ALS2CL: variants seen among roughly 807,000 people sequenced by gnomAD.
ALS2CL encodes the protein ALS2 C-terminal-like protein.
ALS2CL carries 112 observed loss-of-function variants against 127.9 expected under a neutral mutation model. The ratio of observed to expected loss-of-function variants is 0.88; its 90% CI spans 0.75 to 1.02. The LOEUF is 1.02. Among genes scored for constraint, ALS2CL ranks in the 50% least tolerant of loss-of-function variants. ALS2CL has a pLI of 0.00. For synonymous variants in ALS2CL, 519 were observed against 527.6 expected, an observed-to-expected ratio of 0.98 and a Z score of 0.22; for missense variants, 1,174 against 1,236.7, an observed-to-expected ratio of 0.95 and a Z score of 0.76.
chr3:46,689,560 C>A (rs1700030662), intron 1 of ALS2CL, 95 bp from the exon 2 acceptor site: 17 of 759,712 alleles, frequency 2.2e-5, no homozygotes, highest in Non-Finnish European at 3.6e-5. Flanking sequence ...AGGTCCATGA[C>A]CACCCACATC....
intron 16 of ALS2CL, chr3:46,677,241 AAGAC>A (rs1419840079): frequency 1.4e-5 from 20 of 1,394,898 alleles, no homozygotes; most frequent in Non-Finnish European, 1.8e-5. Context: ...CTGCGACGAG[AAGAC>A]AGACAGAAGC....
In ALS2CL at chr3:46,686,295, G is replaced by A. The variant is rs1426678623; in HGVS notation, c.666+13C>T. The A allele has an allele frequency of 2.5e-6, 4 of 1,600,572 alleles. No individual in the cohort carries two copies. Among genetic ancestry groups the A allele is most frequent in the East Asian group, 2.3e-5 (1 of 44,422 alleles). On this transcript the variant is annotated intron_variant, in intron 6 of 25. Coordinates refer to ENST00000318962, the MANE Select transcript of ALS2CL (RefSeq NM_147129.5). This position sits in a 1 kb window ranked among gnomAD's most constrained non-coding sequence, Gnocchi z 4.3. ...AACCCCCTCCCTAACTGCCCCTCAG[G>A]CCCCCAACTCACCCTCAGCCGGCCT... is the stretch of plus-strand genomic sequence containing the variant.
Position 46,676,755 on chromosome 3 carries a change from G to A in ALS2CL, c.1932-17C>T, listed in dbSNP as rs747897142. The A allele has an allele frequency of 5.6e-6, 9 of 1,613,102 alleles. No individual in the cohort carries two copies. Among genetic ancestry groups the A allele is most frequent in the Non-Finnish European group, 7.6e-6 (9 of 1,179,752 alleles). Reference sequence around the variant, plus strand: ...GGGTGGGTCCTGGGCACCACACACAGCATCCCTCACCCACACCTCGGCCCA... The same window carrying A: ...GGGTGGGTCCTGGGCACCACACACAACATCCCTCACCCACACCTCGGCCCA... On this transcript the variant is annotated splice_polypyrimidine_tract_variant and intron_variant, in intron 17 of 25. Transcript: ENST00000318962.
rs1698333706 is a variant in ALS2CL at position 46,670,958 on chromosome 3, C to T, written c.*26G>A. The T allele has an allele frequency of 6.2e-7, 1 of 1,605,296 alleles. No homozygotes were observed. Among genetic ancestry groups the T allele is most frequent in the African/African-American group, 1.3e-5 (1 of 74,874 alleles). ...CAGGCTGGCAGTGCCCTGCTCAGCTCTTCAGTCTGTCCAGGAAAGGCCAGG... is the reference window on the plus strand; with the variant it reads ...CAGGCTGGCAGTGCCCTGCTCAGCTTTTCAGTCTGTCCAGGAAAGGCCAGG... On this transcript the variant is annotated 3_prime_UTR_variant, in exon 26 of 26. Transcript: ENST00000318962. The surrounding 1 kb of genome is among the most constrained non-coding windows in gnomAD (Gnocchi z 5.5).
rs1575429402 is a variant in ALS2CL, at chr3:46,681,207, A to G, written c.1436+39T>C. 1.9e-6 allele frequency: 3 copies of G among 1,613,146 alleles called. No individual in the cohort carries two copies. The highest frequency in any genetic ancestry group is 1.1e-5 in the South Asian group (1 of 91,056). ...AATCTGGTCTGTGAGGGCCCGGTCC[A>G]CCCCTCCGTCCTGGGAGTGGTGGCT... On this transcript the variant is annotated intron_variant, in intron 13 of 25. Transcript: ENST00000318962. This position sits in a 1 kb window ranked among gnomAD's most constrained non-coding sequence, Gnocchi z 4.9.
chr3:46,679,353 G>A (rs950909998), intron 14 of ALS2CL, 66 bp from the exon 15 acceptor site: 5 of 1,371,112 alleles, frequency 3.6e-6, no homozygotes, highest in Middle Eastern at 2.1e-4. Flanking sequence ...ACTCAGGGTG[G>A]AGAGAGATGG....
Position 46,684,030 on chromosome 3 carries a change from G to A in ALS2CL, c.804C>T (p.Thr268=). The A allele has an allele frequency of 6.4e-7, 1 of 1,562,598 alleles. No homozygotes were observed. Among genetic ancestry groups the A allele is most frequent in the East Asian group, 2.4e-5 (1 of 41,522 alleles). The change falls in exon 8 of 26, where the codon ACC becomes ACT. Residue 268 remains threonine, a synonymous_variant. Transcript: ENST00000318962. The part of the protein sequence containing the change: ...LVLLQGHNVH[T]FDLKLVWVDP... ...CCACCCACACCAGCTTCAGATCAAA[G>A]GTGTGGACATTGTGGCCCTGGAAGA...
intron 15 of ALS2CL, 74 bp from the exon 16 acceptor site, chr3:46,678,463 G>A: frequency 6.5e-7 from 1 of 1,536,680 alleles, no homozygotes; most frequent in Non-Finnish European, 8.8e-7. Context: ...CAGGCCACAA[G>A]CCTGTCCATC....
rs934702768 is a variant in ALS2CL, at chr3:46,688,174, G to A, written c.226C>T (p.Arg76Cys). ...ESLHSLQERLRYPDSTGLESL... is the reference protein window; with the variant it reads ...ESLHSLQERLCYPDSTGLESL... ...TCCAGACCGGTGGAGTCCGGGTAAC[G>A]CAGCCTCTCCTGCAGTGAGTGCAGG... The change falls in exon 3 of 26, where the codon CGT becomes TGT. Residue 76 changes from arginine to cysteine, a missense_variant. Coordinates refer to ENST00000318962, the MANE Select transcript of ALS2CL (RefSeq NM_147129.5). 6.2e-6 allele frequency: 10 copies of A among 1,612,912 alleles called. No homozygotes were observed. Among genetic ancestry groups the A allele is most frequent in the Admixed American group, 5.0e-5 (3 of 59,998 alleles).
At position 46,681,687 on chromosome 3, in the gene ALS2CL, C is replaced by A. The variant is rs144068341; in HGVS notation, c.1176-89G>T. ...ATGCCACCCAGGAGTATCCCTGCCC[C>A]CAAGGAGCCTTCCAGACAACAGGGA... On this transcript the variant is annotated intron_variant, in intron 11 of 25. Coordinates refer to ENST00000318962, the MANE Select transcript of ALS2CL (RefSeq NM_147129.5). This position sits in a 1 kb window ranked among gnomAD's most constrained non-coding sequence, Gnocchi z 4.9. The A allele has an allele frequency of 6.8e-6, 9 of 1,328,022 alleles. No homozygotes were observed. The highest frequency in any genetic ancestry group is 9.6e-6 in the Non-Finnish European group (9 of 940,064). The allele number at this position is 1,328,022 out of a possible 1,614,324, so 82.3% of individuals were successfully genotyped here. A position where few individuals can be genotyped will look rare whatever the true frequency, so the allele number is the denominator to read the frequency against.
At chr3:46,676,808 A>G (rs6806400) in intron 17 of ALS2CL, 41 bp downstream of exon 17, 1,203,607 of 1,532,428 alleles carry the variant, frequency 0.79, 450,702 homozygotes, top group African/African-American at 0.92. Flanking sequence ...AGCCCTCCCC[A>G]GCCCACCCTA....
rs1699291874 is a variant in ALS2CL, at chr3:46,681,125, A to G, written c.1436+121T>C. The G allele has an allele frequency of 6.8e-7, 1 of 1,465,998 alleles. No individual in the cohort carries two copies. Among genetic ancestry groups the G allele is most frequent in the Non-Finnish European group, 9.5e-7 (1 of 1,052,874 alleles). The allele number at this position is 1,465,998 out of a possible 1,614,324, so 90.8% of individuals were successfully genotyped here. A position where few individuals can be genotyped will look rare whatever the true frequency, so the allele number is the denominator to read the frequency against. ...GCAGCAACCGAGGGACTGGAGGGGA[A>G]GTGAGGGGCTTAAGAGAGACACAGT... is the stretch of plus-strand genomic sequence containing the variant. On this transcript the variant is annotated intron_variant, in intron 13 of 25. Coordinates refer to ENST00000318962, the MANE Select transcript of ALS2CL (RefSeq NM_147129.5). The surrounding 1 kb of genome is among the most constrained non-coding windows in gnomAD (Gnocchi z 4.9).
At chr3:46,673,749 T>C (rs1185847089) in intron 21 of ALS2CL, among the ~76,000 whole-genome samples, 1 of 151,036 alleles carries the variant, frequency 6.6e-6, no homozygotes, top group Non-Finnish European at 1.5e-5. Context: ...GACACTGAGG[T>C]GGTGAGGGAG....
At position 46,674,549 on chromosome 3, in the gene ALS2CL, G is replaced by C; in HGVS notation, c.2429+17C>G. The C allele has an allele frequency of 6.2e-7, 1 of 1,605,670 alleles. No homozygotes were observed. The highest frequency in any genetic ancestry group is 8.5e-7 in the Non-Finnish European group (1 of 1,175,706). ...TTGAGTCCTGGCTAACACGGCACGG[G>C]GGAAGGGAAGGCTTACTTCTGCACA... On this transcript the variant is annotated intron_variant, in intron 21 of 25. Coordinates refer to ENST00000318962, the MANE Select transcript of ALS2CL (RefSeq NM_147129.5).
chr3:46,691,902 A>C (rs1700181241), intron 1 of ALS2CL, among the ~76,000 whole-genome samples: 1 of 151,850 alleles, frequency 6.6e-6, no homozygotes, highest in African/African-American at 2.4e-5. Context: ...TCCCCTCAAA[A>C]GGACAAACAG....
intron 21 of ALS2CL, 119 bp from the exon 22 acceptor site, chr3:46,673,500 A>G: frequency 9.4e-7 from 1 of 1,062,580 alleles, no homozygotes; most frequent in South Asian, 1.5e-5. Flanking sequence ...GAAAAGGGGA[A>G]GGAGATCAGC....
intron 16 of ALS2CL, among the ~76,000 whole-genome samples, chr3:46,677,839 C>T (rs1698985343): frequency 6.6e-6 from 1 of 152,206 alleles, no homozygotes; most frequent in South Asian, 2.1e-4. Context: ...TCCTTCTTTA[C>T]CTTGGCTGCC....
chr3:46,680,535 C>T lies in ALS2CL; in HGVS notation c.1443G>A (p.Glu481=), dbSNP rs766240014. Residue 481 remains glutamate (E), a synonymous_variant, in exon 14 of 26, where the codon GAG becomes GAA. Coordinates refer to ENST00000318962, the MANE Select transcript of ALS2CL (RefSeq NM_147129.5). ...YGIEEDGDRG[E]RYIGMWQAGQ... The stretch of plus-strand genomic sequence containing the variant: ...CAGCCTGCCACATGCCAATGTAGCG[C>T]TCACCTCTGGAAGGAGAGGAATGTG... 6.2e-7 allele frequency: 1 copy of T among 1,612,122 alleles called. No individual in the cohort carries two copies. Among genetic ancestry groups the T allele is most frequent in the Non-Finnish European group, 8.5e-7 (1 of 1,179,856 alleles).
At chr3:46,680,992 G>C (rs1203818658) in intron 13 of ALS2CL, 5 of 606,832 alleles carry the variant, frequency 8.2e-6, no homozygotes, top group Non-Finnish European at 1.2e-5. Context: ...GTTTTTAGAC[G>C]TGACAGAGCA....
Sources: allele counts gnomAD v4.1 joint callset (sites outside exome capture counted in the v4.1 genomes callset), GRCh38; gene constraint gnomAD v4.1.1; non-coding constraint Gnocchi (gnomAD v3.1); transcripts MANE v1.5; gene names NCBI Gene and HGNC (gene_info 2026-07-23, HGNC 2026-07-21).